Variants in DOK6 observed in about 807,000 individuals in gnomAD.
DOK6 encodes the protein docking protein 6, also known as downstream of tyrosine kinase 6.
In DOK6, 22 loss-of-function variants were observed where a neutral mutation model predicts 44.0. That is an observed-to-expected ratio of 0.50 (90% confidence interval 0.36 to 0.71). The LOEUF (loss-of-function observed/expected upper bound fraction) is 0.71, where lower values mean the gene tolerates loss of function less well. DOK6 is among the 30% of genes least tolerant of loss of function. DOK6 has a pLI of 0.00. For synonymous variants in DOK6, 166 were observed against 145.5 expected (o/e 1.14, Z -1.01); for missense variants, 340 against 416.4 (o/e 0.82, Z 1.60).
intron 7 of DOK6, among the ~76,000 whole-genome samples, chr18:69,813,430 G>C (rs147610555): frequency 2.6e-5 from 4 of 152,212 alleles, no homozygotes; most frequent in Non-Finnish European, 1.5e-5. Flanking sequence ...GTATAAAAAT[G>C]TTGTCCCTAA....
intron 1 of DOK6, among the ~76,000 whole-genome samples, chr18:69,503,610 A>C (rs1981104897): frequency 6.6e-6 from 1 of 152,088 alleles, no homozygotes; most frequent in Non-Finnish European, 1.5e-5. Context: ...ACAATGTCTT[A>C]AAATAACACA....
At chr18:69,838,008 C>T (rs1159429162) in intron 7 of DOK6, among the ~76,000 whole-genome samples, 1 of 152,106 alleles carries the variant, frequency 6.6e-6, no homozygotes, top group African/African-American at 2.4e-5. Flanking sequence ...CTTTGCCTTT[C>T]CTGTGGAGCC....
intron 1 of DOK6, among the ~76,000 whole-genome samples, chr18:69,538,107 G>T (rs1982170500): frequency 6.6e-6 from 1 of 152,086 alleles, no homozygotes; most frequent in Admixed American, 6.6e-5. Context: ...AAGGTAAATA[G>T]GCTCTTTTCT....
At chr18:69,742,223 C>T (rs753613417) in intron 6 of DOK6, among the ~76,000 whole-genome samples, 1 of 151,706 alleles carries the variant, frequency 6.6e-6, no homozygotes, top group Non-Finnish European at 1.5e-5. Context: ...GAGACCAGCC[C>T]AACCAACATG....
intron 1 of DOK6, among the ~76,000 whole-genome samples, chr18:69,492,771 A>G (rs1980770406): frequency 8.9e-6 from 1 of 112,758 alleles, no homozygotes; most frequent in Non-Finnish European, 2.2e-5. Flanking sequence ...GCTGCATAAT[A>G]TTCCATGGTG....
At chr18:69,639,521 G>A (rs1449699061) in intron 3 of DOK6, among the ~76,000 whole-genome samples, 1 of 152,118 alleles carries the variant, frequency 6.6e-6, no homozygotes, top group Non-Finnish European at 1.5e-5. Context: ...TGAAAACCTG[G>A]TCAACTCTTC....
intron 7 of DOK6, among the ~76,000 whole-genome samples, chr18:69,823,646 T>TGTGG (rs1981643508): frequency 6.6e-6 from 1 of 151,730 alleles, no homozygotes; most frequent in African/African-American, 2.4e-5. Flanking sequence ...TGTGTGTGTG[T>TGTGG]GTGTGTGTGT....
intron 1 of DOK6, among the ~76,000 whole-genome samples, chr18:69,406,910 G>A (rs984822540): frequency 6.6e-6 from 1 of 152,038 alleles, no homozygotes; most frequent in Non-Finnish European, 1.5e-5. Context: ...GTGAAACCTC[G>A]TCTCTACTAA....
chr18:69,497,164 C>A (rs554663437), intron 1 of DOK6, among the ~76,000 whole-genome samples: 1 of 152,234 alleles, frequency 6.6e-6, no homozygotes, highest in East Asian at 1.9e-4. Context: ...AATATGTAAT[C>A]CTTCTAAAAT....
At chr18:69,800,248 T>C (rs1288290962) in intron 7 of DOK6, among the ~76,000 whole-genome samples, 1 of 152,122 alleles carries the variant, frequency 6.6e-6, no homozygotes, top group African/African-American at 2.4e-5. Flanking sequence ...CCAAATGGCT[T>C]CTCATTAAGT....
At chr18:69,656,012 T>C (rs1382921936) in intron 3 of DOK6, among the ~76,000 whole-genome samples, 1 of 152,102 alleles carries the variant, frequency 6.6e-6, no homozygotes, top group Non-Finnish European at 1.5e-5. Context: ...GAAAGACTTG[T>C]ATTGTTGAGA....
At chr18:69,559,361 T>C (rs1315779500) in intron 1 of DOK6, among the ~76,000 whole-genome samples, 1 of 152,096 alleles carries the variant, frequency 6.6e-6, no homozygotes, top group African/African-American at 2.4e-5. Flanking sequence ...TGACAGACAG[T>C]ACAGGGGAAA....
intron 1 of DOK6, among the ~76,000 whole-genome samples, chr18:69,562,860 G>A (rs1482556549): frequency 6.6e-6 from 1 of 152,058 alleles, no homozygotes; most frequent in Non-Finnish European, 1.5e-5. Flanking sequence ...AGAGTGAACA[G>A]GCAACCTACA....
At chr18:69,564,653 A>C in intron 2 of DOK6, 59 bp downstream of exon 2, 1 of 1,359,204 alleles carries the variant, frequency 7.4e-7, no homozygotes, top group Non-Finnish European at 1.0e-6. Context: ...ACTTGTGGAG[A>C]TATTTCTTTG....
chr18:69,562,915 AAT>A (rs1446249298), intron 1 of DOK6, among the ~76,000 whole-genome samples: 2 of 152,234 alleles, frequency 1.3e-5, no homozygotes, highest in Non-Finnish European at 2.9e-5. Context: ...ACAAAGGGCT[AAT>A]ATCCAGAATC....
Position 69,517,130 on chromosome 18 carries a change from A to G in DOK6, c.67-47357A>G, listed in dbSNP as rs1047151077. 4.6e-5 allele frequency among the ~76,000 whole-genome samples: 7 copies of G among 152,140 alleles called. No individual in the cohort carries two copies. In the South Asian group the frequency reaches 1.4e-3, roughly 31 times the overall value. ...GTTTGTGGATATGAACTCATAGGAG[A>G]TTCTTGGTCAATAAGTGAGATGTTA... is the stretch of plus-strand genomic sequence containing the variant. On this transcript the variant is annotated intron_variant, in intron 1 of 7. Coordinates refer to ENST00000382713, the MANE Select transcript of DOK6 (RefSeq NM_152721.6).
chr18:69,458,093 A>C (rs1323488453), intron 1 of DOK6, among the ~76,000 whole-genome samples: 1 of 152,162 alleles, frequency 6.6e-6, no homozygotes, highest in East Asian at 1.9e-4. Context: ...CAGCAAGCCA[A>C]GTTACAGCAA....
At chr18:69,684,409 G>GCA (rs1209916064) in intron 4 of DOK6, among the ~76,000 whole-genome samples, 2 of 152,198 alleles carry the variant, frequency 1.3e-5, no homozygotes. Flanking sequence ...ATACCTTGAA[G>GCA]CACCAAAGGA....
intron 5 of DOK6, among the ~76,000 whole-genome samples, chr18:69,737,791 C>A (rs757545411): frequency 1.3e-5 from 2 of 152,166 alleles, no homozygotes; most frequent in Admixed American, 1.3e-4. Context: ...AGCACTCGAC[C>A]TTTACATCTC....
Sources: gnomAD v4.1 joint callset for allele counts (sites outside exome capture counted in the v4.1 genomes callset) on GRCh38, gnomAD v4.1.1 for gene constraint, MANE v1.5 for transcripts, NCBI Gene and HGNC (gene_info 2026-07-23, HGNC 2026-07-21) for gene names.